MPP7: variants seen among roughly 807,000 people sequenced by gnomAD.
MPP7 encodes MAGUK p55 scaffold protein 7, also known as MAGUK p55 subfamily member 7.
A neutral mutation model predicts 76.5 loss-of-function variants in MPP7; 60 were observed. That is an observed-to-expected ratio of 0.78 (90% CI 0.64 to 0.97). The LOEUF is 0.97. MPP7 is among the 50% of genes least tolerant of loss of function. MPP7 has a pLI of 0.00. For synonymous variants in MPP7, 237 were observed against 244.5 expected (o/e 0.97, Z 0.29); for missense variants, 641 against 694.0 (o/e 0.92, Z 0.86).
Position 28,089,718 on chromosome 10 carries a change from G to A in MPP7, c.1076C>T (p.Pro359Leu), listed in dbSNP as rs141204011. The stretch of plus-strand genomic sequence containing the variant: ...TTTTTCATTAGTTTGTCGCCGATAC[G>A]GTGTCACTTCTTCGTATGTGGGTAC... Reference protein sequence around the residue: ...ADVPTYEEVTPYRRQTNEKYR... With the variant: ...ADVPTYEEVTLYRRQTNEKYR... Residue 359 changes from proline (P) to leucine (L), a missense_variant, in exon 12 of 17, where the codon CCG (proline) becomes CTG (leucine). Transcript: ENST00000683449. The A allele has an allele frequency of 3.5e-5, 57 of 1,613,630 alleles. No individual in the cohort carries two copies. The African/African-American group carries it at 4.0e-4, about 11-fold the overall frequency.
At chr10:28,088,070 T>C (rs11006848) in intron 12 of MPP7, among the ~76,000 whole-genome samples, 1 of 152,202 alleles carries the variant, frequency 6.6e-6, no homozygotes, top group Admixed American at 6.5e-5. Flanking sequence ...ATGATGCTAG[T>C]GTTCACTTCC....
At chr10:28,068,151 A>G (rs1276325228) in intron 13 of MPP7, among the ~76,000 whole-genome samples, 1 of 152,128 alleles carries the variant, frequency 6.6e-6, no homozygotes, top group African/African-American at 2.4e-5. Flanking sequence ...AAATTTTCTA[A>G]TAACTTATAT....
chr10:28,322,197 A>G (rs895045145), intron 2 of MPP7, among the ~76,000 whole-genome samples: 12 of 152,012 alleles, frequency 7.9e-5, no homozygotes, highest in African/African-American at 2.9e-4. Flanking sequence ...GGTAAGGAGA[A>G]GTGGGAGGAA....
At chr10:28,254,612 T>C (rs1349049209) in intron 1 of MPP7, among the ~76,000 whole-genome samples, 1 of 152,218 alleles carries the variant, frequency 6.6e-6, no homozygotes, top group Non-Finnish European at 1.5e-5. Flanking sequence ...AACAGAATTA[T>C]CTTCGGTGTA....
intron 11 of MPP7, among the ~76,000 whole-genome samples, chr10:28,106,470 G>A (rs904750018): frequency 6.6e-6 from 1 of 152,136 alleles, no homozygotes; most frequent in African/African-American, 2.4e-5. Context: ...TTATATTGGG[G>A]GCTGTTTAGC....
chr10:28,181,021 T>G, intron 3 of MPP7, among the ~76,000 whole-genome samples: 1 of 152,228 alleles, frequency 6.6e-6, no homozygotes, highest in Admixed American at 6.5e-5. Context: ...GGTGGGTAGA[T>G]AAATATAAAA....
intron 2 of MPP7, among the ~76,000 whole-genome samples, chr10:28,209,738 A>C (rs1204098354): frequency 1.3e-5 from 2 of 152,214 alleles, no homozygotes; most frequent in African/African-American, 4.8e-5. Flanking sequence ...CAAAGTTCTA[A>C]GTTCAACAAA....
In MPP7 at chr10:28,170,943, A is replaced by G. The variant is rs568596474; in HGVS notation, c.157-20884T>C. On this transcript the variant is annotated intron_variant, in intron 3 of 16. Coordinates refer to ENST00000683449, the MANE Select transcript of MPP7 (RefSeq NM_001318170.2). Reference sequence around the variant, plus strand: ...ACGAGATAACAGTGATAGAATAACCATATCAGTATATCATATAATAGTTAC... The same window carrying G: ...ACGAGATAACAGTGATAGAATAACCGTATCAGTATATCATATAATAGTTAC... Among the ~76,000 whole-genome samples the G allele has an allele frequency of 3.3e-5, 5 of 152,350 alleles. No individual in the cohort carries two copies. In the South Asian group the frequency reaches 8.3e-4, roughly 25 times the overall value.
intron 13 of MPP7, among the ~76,000 whole-genome samples, chr10:28,064,699 A>C (rs1368626310): frequency 6.6e-6 from 1 of 152,352 alleles, no homozygotes; most frequent in Middle Eastern, 3.4e-3. Context: ...GTTATATCCC[A>C]AAGCTTAATT....
At chr10:28,294,071 G>C (rs1023696282) in intron 1 of MPP7, among the ~76,000 whole-genome samples, 7 of 152,222 alleles carry the variant, frequency 4.6e-5, no homozygotes, top group African/African-American at 1.7e-4. Context: ...ACTTTGGGAG[G>C]CCGAGGCGGG....
intron 5 of MPP7, among the ~76,000 whole-genome samples, chr10:28,142,795 G>A (rs1393995972): frequency 3.3e-5 from 5 of 152,168 alleles, no homozygotes; most frequent in African/African-American, 4.8e-5. Flanking sequence ...AATTGCAACA[G>A]CATAGGGAAA....
At chr10:28,077,710 G>A (rs2133393432) in intron 12 of MPP7, among the ~76,000 whole-genome samples, 1 of 152,310 alleles carries the variant, frequency 6.6e-6, no homozygotes, top group South Asian at 2.1e-4. Context: ...CTTCGATAAA[G>A]AAATTTTTAT....
At chr10:28,262,389 C>T (rs1840022085) in intron 1 of MPP7, among the ~76,000 whole-genome samples, 2 of 149,672 alleles carry the variant, frequency 1.3e-5, no homozygotes, top group African/African-American at 4.9e-5. Flanking sequence ...AGCCACCATG[C>T]CCAGCCAATA....
chr10:28,087,786 A>G (rs1017198809), intron 12 of MPP7, among the ~76,000 whole-genome samples: 2 of 152,164 alleles, frequency 1.3e-5, no homozygotes, highest in African/African-American at 4.8e-5. Context: ...GTGCTGGTGA[A>G]GGAGGCAGCA....
chr10:28,123,971 C>G (rs1834926427), intron 8 of MPP7, 60 bp downstream of exon 8: 1 of 1,170,672 alleles, frequency 8.5e-7, no homozygotes, highest in Non-Finnish European at 1.3e-6. Context: ...GTCTAAAAGT[C>G]TGAAATACAG....
At chr10:28,140,372 C>G (rs748734958) in intron 5 of MPP7, among the ~76,000 whole-genome samples, 7 of 151,840 alleles carry the variant, frequency 4.6e-5, no homozygotes, top group Admixed American at 6.6e-5. Flanking sequence ...ATTAGCCAGG[C>G]GGGTGGCATG....
intron 12 of MPP7, among the ~76,000 whole-genome samples, chr10:28,089,403 G>A (rs968972123): frequency 6.6e-5 from 10 of 152,148 alleles, no homozygotes; most frequent in Admixed American, 1.3e-4. Flanking sequence ...TTGCCCTGAT[G>A]TATGCTTCAT....
intron 2 of MPP7, among the ~76,000 whole-genome samples, chr10:28,218,164 A>G (rs1225428088): frequency 6.6e-6 from 1 of 152,188 alleles, no homozygotes; most frequent in Non-Finnish European, 1.5e-5. Flanking sequence ...AGGCCAAAAG[A>G]GGCCGGTGGA....
intron 11 of MPP7, among the ~76,000 whole-genome samples, chr10:28,117,075 G>C (rs1476533135): frequency 6.6e-6 from 1 of 152,006 alleles, no homozygotes; most frequent in Non-Finnish European, 1.5e-5. Flanking sequence ...TATAGTTCCA[G>C]AACCATCTTC....
Sources: gnomAD v4.1 joint callset for allele counts (sites outside exome capture counted in the v4.1 genomes callset) on GRCh38, gnomAD v4.1.1 for gene constraint, MANE v1.5 for transcripts, NCBI Gene and HGNC (gene_info 2026-07-23, HGNC 2026-07-21) for gene names.